Variants in INPP5B observed in about 807,000 individuals in gnomAD.
INPP5B encodes the protein type II inositol 1,4,5-trisphosphate 5-phosphatase.
A neutral mutation model predicts 118.5 loss-of-function variants in INPP5B; 90 were observed. The observed-to-expected ratio is 0.76, with a 90% CI of 0.64 to 0.90. INPP5B has a LOEUF of 0.90. Among genes scored for constraint, INPP5B ranks in the 40% least tolerant of loss-of-function variants. INPP5B has a pLI of 0.00. For synonymous variants in INPP5B, 385 were observed against 418.9 expected (o/e 0.92, Z 0.99); for missense variants, 984 against 1,125.6 (o/e 0.87, Z 1.80).
At position 37,862,311 on chromosome 1, in the gene INPP5B, A is replaced by C. The variant is rs1219299964; in HGVS notation, c.*4T>G. 1 of 1,588,090 alleles carries C rather than the reference A, an allele frequency of 6.3e-7. No individual in the cohort carries two copies. Among genetic ancestry groups the C allele is most frequent in the East Asian group, 2.2e-5 (1 of 44,728 alleles). On this transcript the variant is annotated 3_prime_UTR_variant, in exon 24 of 24. Coordinates refer to ENST00000373024, the MANE Select transcript of INPP5B (RefSeq NM_005540.3). ...CCTCAAGTAAAATAGGAGGAGAGAG[A>C]GGCTCAGAGTGGGTTGCAGAGGAAC...
chr1:37,898,905 G>A (rs1198088442), intron 7 of INPP5B, among the ~76,000 whole-genome samples: 2 of 152,098 alleles, frequency 1.3e-5, no homozygotes, highest in Admixed American at 6.6e-5. Flanking sequence ...AAAGGCACCA[G>A]GAGCAGTGGC....
chr1:37,902,970 G>C (rs988030530), intron 7 of INPP5B, among the ~76,000 whole-genome samples: 1 of 150,528 alleles, frequency 6.6e-6, no homozygotes, highest in African/African-American at 2.4e-5. Flanking sequence ...GCACTACAGT[G>C]AGACCCTGTC....
In INPP5B at chr1:37,921,176, T is replaced by C. The variant is rs1258470201; in HGVS notation, c.532+10737A>G. Among the ~76,000 whole-genome samples the C allele has an allele frequency of 2.0e-5, 3 of 152,208 alleles. No homozygotes were observed. The East Asian group carries it at 5.8e-4, about 29-fold the overall frequency. On this transcript the variant is annotated intron_variant, in intron 7 of 23. Coordinates refer to ENST00000373024, the MANE Select transcript of INPP5B (RefSeq NM_005540.3). ...TTTTTGTGACACAGTGTAAGGCCCATGGACTCAAAGTAAGTGCTTAATAAA... is the reference window on the plus strand; with the variant it reads ...TTTTTGTGACACAGTGTAAGGCCCACGGACTCAAAGTAAGTGCTTAATAAA...
At chr1:37,866,405 C>CTCTCTCTT in intron 21 of INPP5B, 54 bp downstream of exon 21, 1 of 436,218 alleles carries the variant, frequency 2.3e-6, no homozygotes, top group Non-Finnish European at 3.6e-6. Flanking sequence ...CTCTCTCTCT[C>CTCTCTCTT]TCACACACAC....
intron 3 of INPP5B, 76 bp downstream of exon 3, chr1:37,945,680 G>C: frequency 9.8e-7 from 1 of 1,015,910 alleles, no homozygotes; most frequent in South Asian, 1.4e-5. Flanking sequence ...TGGAGGGACA[G>C]TTGAAGTTCA....
intron 10 of INPP5B, 25 bp downstream of exon 10, chr1:37,888,218 A>G (rs757611789): frequency 1.5e-6 from 2 of 1,374,026 alleles, no homozygotes; most frequent in Non-Finnish European, 1.9e-6. Flanking sequence ...GAAGATGGAG[A>G]GGGGACTAGA....
At chr1:37,882,349 G>A (rs1448375207) in intron 14 of INPP5B, among the ~76,000 whole-genome samples, 2 of 152,176 alleles carry the variant, frequency 1.3e-5, no homozygotes, top group African/African-American at 4.8e-5. Context: ...GAGAACAGCA[G>A]GTTACAGAAG....
chr1:37,883,849 GC>G, intron 13 of INPP5B: 1 of 985,350 alleles, frequency 1.0e-6, no homozygotes, highest in Non-Finnish European at 1.2e-6. Context: ...AGATATCACG[GC>G]CCCAGTGGCT....
At chr1:37,946,449 A>T in intron 1 of INPP5B, 115 bp from the exon 2 acceptor site, 1 of 703,962 alleles carries the variant, frequency 1.4e-6, no homozygotes, top group Non-Finnish European at 2.4e-6. Context: ...GGGAGATGGT[A>T]CCGGGGAGGC....
chr1:37,890,409 T>C (rs954156981), intron 8 of INPP5B, among the ~76,000 whole-genome samples: 8 of 152,142 alleles, frequency 5.3e-5, no homozygotes, highest in African/African-American at 1.7e-4. Context: ...ATCATTCTAT[T>C]CTGTACATCT....
intron 18 of INPP5B, 91 bp downstream of exon 18, chr1:37,873,902 C>A: frequency 9.7e-7 from 1 of 1,025,874 alleles, no homozygotes; most frequent in Non-Finnish European, 1.3e-6. Flanking sequence ...ATAAAACACT[C>A]AAGCAAAAAG....
Position 37,946,320 on chromosome 1 carries a change from C to A in INPP5B, c.-12G>T. The A allele has an allele frequency of 2.5e-6, 4 of 1,609,918 alleles. No individual in the cohort carries two copies. The highest frequency in any genetic ancestry group is 3.4e-6 in the Non-Finnish European group (4 of 1,178,214). On this transcript the variant is annotated 5_prime_UTR_variant, in exon 2 of 24. Coordinates refer to ENST00000373024, the MANE Select transcript of INPP5B (RefSeq NM_005540.3). ...ACAGACTGGTCCATGCTGGCCCCTGCTGAGCGCACACACCCTGTGGGAGGG... is the reference window on the plus strand; with the variant it reads ...ACAGACTGGTCCATGCTGGCCCCTGATGAGCGCACACACCCTGTGGGAGGG...
chr1:37,944,393 A>G (rs1328148006), intron 3 of INPP5B, among the ~76,000 whole-genome samples: 2 of 151,976 alleles, frequency 1.3e-5, no homozygotes, highest in Admixed American at 6.6e-5. Context: ...ACATTTATGG[A>G]GCACTTTCTT....
intron 8 of INPP5B, 106 bp downstream of exon 8, chr1:37,891,252 C>T: frequency 1.4e-6 from 1 of 703,600 alleles, no homozygotes; most frequent in Non-Finnish European, 2.4e-6. Flanking sequence ...AGGACACTTC[C>T]TAGGCCAGCT....
Position 37,945,763 on chromosome 1 carries a change from C to T in INPP5B, c.145G>A (p.Glu49Lys). 11 of 1,613,628 alleles carry T rather than the reference C, an allele frequency of 6.8e-6. No homozygotes were observed. Among genetic ancestry groups the T allele is most frequent in the Non-Finnish European group, 9.3e-6 (11 of 1,179,668 alleles). Residue 49 changes from glutamate to lysine, a missense_variant, in exon 3 of 24, where the codon GAA (glutamate) becomes AAA (lysine). By Grantham distance (56) the Glu-to-Lys change is moderately conservative (BLOSUM62 1). This residue lies in a region of INPP5B where 350 missense variants were observed against 334.6 expected (regional missense o/e 1.05). Coordinates refer to ENST00000373024, the MANE Select transcript of INPP5B (RefSeq NM_005540.3). Reference sequence around the variant, plus strand: ...ACCAAGCCCCTCACTCACGCGTGTTCCTGGCCGCCGTGCTCCAGGCGGTAG... The same window carrying T: ...ACCAAGCCCCTCACTCACGCGTGTTTCTGGCCGCCGTGCTCCAGGCGGTAG... ...VRYRLEHGGQ[E>K]HALFLYTHRR...
chr1:37,946,146 CT>C (rs2148706701), intron 2 of INPP5B, 105 bp downstream of exon 2: 1 of 1,082,240 alleles, frequency 9.2e-7, no homozygotes, highest in Non-Finnish European at 1.4e-6. Context: ...TCCTTCTCCC[CT>C]GATGGTTCAG....
rs1642061566 is a variant in INPP5B at position 37,866,561 on chromosome 1, G to A, written c.2302-18C>T. 6.9e-7 allele frequency: 1 copy of A among 1,445,974 alleles called. No individual in the cohort carries two copies. The highest frequency in any genetic ancestry group is 9.7e-7 in the Non-Finnish European group (1 of 1,027,010). 89.6% of individuals were successfully genotyped at this position (1,445,974 alleles called of 1,614,324 possible). A position where few individuals can be genotyped will look rare whatever the true frequency, so the allele number is the denominator to read the frequency against. ...AGATCTTCCTGCAAAAGGGAAGACAGTAACAAAATAATTATTTTCTCAGAA... is the reference window on the plus strand; with the variant it reads ...AGATCTTCCTGCAAAAGGGAAGACAATAACAAAATAATTATTTTCTCAGAA... On this transcript the variant is annotated intron_variant, in intron 20 of 23. Transcript: ENST00000373024.
intron 7 of INPP5B, among the ~76,000 whole-genome samples, chr1:37,902,785 C>A (rs930322421): frequency 6.6e-6 from 1 of 151,854 alleles, no homozygotes; most frequent in Admixed American, 6.6e-5. Flanking sequence ...CTCAAACTCC[C>A]GACCTCAGGC....
rs533287481 is a variant in INPP5B at position 37,911,845 on chromosome 1, C to A, written c.532+20068G>T. Among the ~76,000 whole-genome samples, 93 of 152,306 alleles carry A rather than the reference C, an allele frequency of 6.1e-4. 2 individuals are homozygous for A. The highest frequency in any genetic ancestry group is 3.4e-3 in the Middle Eastern group (1 of 294). On this transcript the variant is annotated intron_variant, in intron 7 of 23. Coordinates refer to ENST00000373024, the MANE Select transcript of INPP5B (RefSeq NM_005540.3). ...CAAGGGCCATCAAAAGGCATCAGATCCCACTGCTCAGGGCAACGCTTATGC... is the reference window on the plus strand; with the variant it reads ...CAAGGGCCATCAAAAGGCATCAGATACCACTGCTCAGGGCAACGCTTATGC...
Sources: gnomAD v4.1 joint callset for allele counts (sites outside exome capture counted in the v4.1 genomes callset) on GRCh38, gnomAD v4.1.1 for gene constraint, gnomAD v4.1.1 regional missense constraint, MANE v1.5 for transcripts, NCBI Gene and HGNC (gene_info 2026-07-23, HGNC 2026-07-21) for gene names.